The following ZNF727 variants were observed in gnomAD, a reference collection of about 807,000 sequenced individuals.
ZNF727 encodes zinc finger protein 727.
Under a neutral mutation model 11.5 loss-of-function variants are expected in ZNF727, and 11 were observed. The ratio of observed to expected loss-of-function variants is 0.95; its 90% confidence interval spans 0.60 to 1.58. The LOEUF is 1.58. ZNF727 is among the 40% of genes most tolerant of loss of function. ZNF727 has a pLI of 0.00. For synonymous variants in ZNF727, 171 were observed against 196.1 expected, an observed-to-expected ratio of 0.87 and a Z score of 1.07; for missense variants, 533 against 581.7, an observed-to-expected ratio of 0.92 and a Z score of 0.86.
chr7:64,050,804 G>A (rs1789585546), intron 1 of ZNF727, among the ~76,000 whole-genome samples: 1 of 151,678 alleles, frequency 6.6e-6, no homozygotes, highest in African/African-American at 2.4e-5. Flanking sequence ...GTGTGTGTGT[G>A]TGTGTGTGTA....
chr7:64,051,444 A>G (rs1789596672), intron 1 of ZNF727, among the ~76,000 whole-genome samples: 1 of 152,214 alleles, frequency 6.6e-6, no homozygotes, highest in African/African-American at 2.4e-5. Context: ...ATTTTAAGAA[A>G]TGGTTGGTAA....
intron 1 of ZNF727, among the ~76,000 whole-genome samples, chr7:64,057,549 C>T (rs1789704703): frequency 6.6e-6 from 1 of 151,972 alleles, no homozygotes; most frequent in Non-Finnish European, 1.5e-5. Flanking sequence ...CACCCTGGGG[C>T]CTGTCAGGGG....
chr7:64,076,990 A>C (rs2116327649), intron 3 of ZNF727, among the ~76,000 whole-genome samples: 1 of 152,322 alleles, frequency 6.6e-6, no homozygotes, highest in South Asian at 2.1e-4. Flanking sequence ...CATGGGATGA[A>C]GAATGGCTGT....
chr7:64,077,450 A>G lies in ZNF727; in HGVS notation c.401A>G (p.His134Arg), dbSNP rs1409958574. 8.4e-6 allele frequency: 13 copies of G among 1,552,000 alleles called. No homozygotes were observed. The highest frequency in any genetic ancestry group is 1.2e-5 in the South Asian group (1 of 84,062). Residue 134 changes from histidine to arginine, a missense_variant, in exon 4 of 4, where the codon CAT becomes CGT. This residue lies in a region of ZNF727 where 463 missense variants were observed against 494.5 expected (regional missense o/e 0.94). Coordinates refer to ENST00000456806, the MANE Select transcript of ZNF727 (RefSeq NM_001159522.3). ...CAGAAAAGCAGTTATAATGGCATTC[A>G]TCAATGTTTGTCAGCTACCCGTAGC... The part of the protein sequence containing the change: ...KGQKSSYNGI[H>R]QCLSATRSKT...
At chr7:64,075,719 G>A (rs7787614) in intron 3 of ZNF727, among the ~76,000 whole-genome samples, 94,344 of 151,882 alleles carry the variant, frequency 0.62, 30,005 homozygotes, top group Non-Finnish European at 0.68. Context: ...AATAGATGCT[G>A]GAGACCACTA....
intron 1 of ZNF727, among the ~76,000 whole-genome samples, chr7:64,054,696 T>C (rs2116278314): frequency 6.6e-6 from 1 of 152,364 alleles, no homozygotes; most frequent in South Asian, 2.1e-4. Flanking sequence ...GTCTGTTTTT[T>C]ACAGCATCAC....
chr7:64,050,345 G>T (rs577685508), intron 1 of ZNF727, among the ~76,000 whole-genome samples: 1 of 152,166 alleles, frequency 6.6e-6, no homozygotes, highest in African/African-American at 2.4e-5. Flanking sequence ...TTGTAAAAGG[G>T]AGTAGAGCTT....
chr7:64,052,725 G>A (rs552694019), intron 1 of ZNF727, among the ~76,000 whole-genome samples: 1 of 152,314 alleles, frequency 6.6e-6, no homozygotes, highest in Admixed American at 6.5e-5. Context: ...GCCAGGAGGG[G>A]GGCTATACCC....
chr7:64,068,368 C>A (rs540889435), intron 1 of ZNF727, among the ~76,000 whole-genome samples: 1 of 152,108 alleles, frequency 6.6e-6, no homozygotes, highest in East Asian at 1.9e-4. Flanking sequence ...AACTAAAAAC[C>A]TAGGCTGTGC....
chr7:64,062,685 A>AATATATATATAGATATATATAT, intron 1 of ZNF727, among the ~76,000 whole-genome samples: 1 of 90,008 alleles, frequency 1.1e-5, no homozygotes, highest in African/African-American at 3.6e-5. Context: ...CTTGTACTTG[A>AATATATATATAGATATATATAT]ATATATATAT....
intron 1 of ZNF727, among the ~76,000 whole-genome samples, chr7:64,047,514 C>T (rs1487904553): frequency 6.6e-6 from 1 of 152,164 alleles, no homozygotes; most frequent in African/African-American, 2.4e-5. Context: ...CTCAGTCACT[C>T]TCCTGTATTT....
intron 1 of ZNF727, 147 bp from the exon 2 acceptor site, chr7:64,068,744 G>C: frequency 1.0e-6 from 1 of 959,178 alleles, no homozygotes; most frequent in Non-Finnish European, 1.5e-6. Context: ...AAATACATTA[G>C]AGAATATTTC....
At position 64,083,892 on chromosome 7, in the gene ZNF727, A is replaced by C. The variant is rs1012474446; in HGVS notation, c.*5343A>C. 6.6e-6 allele frequency among the ~76,000 whole-genome samples: 1 copy of C among 152,192 alleles called. No individual in the cohort carries two copies. Among genetic ancestry groups the C allele is most frequent in the Non-Finnish European group, 1.5e-5 (1 of 68,044 alleles). ...TGCACACCTTGCATTCTTCTCTGTG[A>C]GAGCTACACAGTCTAGCTCCTTCTA... On this transcript the variant is annotated 3_prime_UTR_variant, in exon 4 of 4. Coordinates refer to ENST00000456806, the MANE Select transcript of ZNF727 (RefSeq NM_001159522.3).
chr7:64,064,410 G>T (rs544420365), intron 1 of ZNF727, among the ~76,000 whole-genome samples: 2 of 152,264 alleles, frequency 1.3e-5, no homozygotes, highest in African/African-American at 4.8e-5. Context: ...TCCTAGAAAG[G>T]GGGCCTCAGA....
In ZNF727 at chr7:64,079,283, T is replaced by C. The variant is rs118135666; in HGVS notation, c.*734T>C. ...AAAAGCCTTTAACAATTCGTCATATTGTGTTCAACATCAGAGACTTACTAC... is the reference window on the plus strand; with the variant it reads ...AAAAGCCTTTAACAATTCGTCATATCGTGTTCAACATCAGAGACTTACTAC... On this transcript the variant is annotated 3_prime_UTR_variant, in exon 4 of 4. Coordinates refer to ENST00000456806, the MANE Select transcript of ZNF727 (RefSeq NM_001159522.3). Among the ~76,000 whole-genome samples the C allele has an allele frequency of 5.9e-5, 9 of 152,334 alleles. No individual in the cohort carries two copies. The East Asian group carries it at 1.4e-3, about 23-fold the overall frequency.
At chr7:64,052,752 C>T (rs1414331108) in intron 1 of ZNF727, among the ~76,000 whole-genome samples, 5 of 152,184 alleles carry the variant, frequency 3.3e-5, no homozygotes, top group Admixed American at 6.5e-5. Context: ...GCCACAGGGG[C>T]GGAGCTGCCC....
In ZNF727 at chr7:64,080,540, CT is replaced by C. The variant is rs1785769960; in HGVS notation, c.*1993del. Among the ~76,000 whole-genome samples, 1 of 152,088 alleles carries C rather than the reference CT, an allele frequency of 6.6e-6. No individual in the cohort carries two copies. The highest frequency in any genetic ancestry group is 2.4e-5 in the African/African-American group (1 of 41,422). ...TCTAGACTGGCTGTTTTTTCCATCACTTCCTGCAATTATTTTTTTCTTCTTT... is the reference window on the plus strand; with the variant it reads ...TCTAGACTGGCTGTTTTTTCCATCACTCCTGCAATTATTTTTTTCTTCTTT... On this transcript the variant is annotated 3_prime_UTR_variant, in exon 4 of 4. Coordinates refer to ENST00000456806, the MANE Select transcript of ZNF727 (RefSeq NM_001159522.3).
At chr7:64,052,996 G>A (rs1789626454) in intron 1 of ZNF727, among the ~76,000 whole-genome samples, 1 of 152,160 alleles carries the variant, frequency 6.6e-6, no homozygotes, top group Non-Finnish European at 1.5e-5. Flanking sequence ...GATTTTACAG[G>A]CTCGTAGGCA....
At chr7:64,062,297 T>G (rs1789784008) in intron 1 of ZNF727, among the ~76,000 whole-genome samples, 1 of 152,104 alleles carries the variant, frequency 6.6e-6, no homozygotes, top group South Asian at 2.1e-4. Context: ...CCCACATGTT[T>G]TCTTATTGCT....
Sources: allele counts gnomAD v4.1 joint callset (sites outside exome capture counted in the v4.1 genomes callset), GRCh38; gene constraint gnomAD v4.1.1; regional missense constraint gnomAD v4.1.1; transcripts MANE v1.5; gene names NCBI Gene and HGNC (gene_info 2026-07-23, HGNC 2026-07-21).